OSTM1: variants seen among roughly 807,000 people sequenced by gnomAD.
OSTM1 encodes osteoclastogenesis associated transmembrane protein 1.
Under a neutral mutation model 35.4 loss-of-function variants are expected in OSTM1, and 26 were observed. The observed-to-expected ratio is 0.73, with a 90% confidence interval of 0.54 to 1.02. The LOEUF is 1.02. OSTM1 is among the 50% of genes least tolerant of loss of function. The pLI, the probability that OSTM1 is intolerant of heterozygous loss-of-function variation, is 0.00. For missense variants in OSTM1, 366 were observed against 409.6 expected (o/e 0.89, Z 0.92); for synonymous variants, 181 against 165.0 (o/e 1.10, Z -0.75).
chr6:108,061,057 A>G lies in OSTM1; in HGVS notation c.517+3128T>C, dbSNP rs996560724. Reference sequence around the variant, plus strand: ...GGATTTTTCTAAAAAGCTTAAGAATACTTAAAAACAGGTCTACATATGTTA... The same window carrying G: ...GGATTTTTCTAAAAAGCTTAAGAATGCTTAAAAACAGGTCTACATATGTTA... On this transcript the variant is annotated intron_variant, in intron 2 of 5. Coordinates refer to ENST00000193322, the MANE Select transcript of OSTM1 (RefSeq NM_014028.4). 33 of 152,194 alleles carry G rather than the reference A, an allele frequency of 2.2e-4. 1 individual carries two copies. The highest frequency in any genetic ancestry group is 8.0e-4 in the African/African-American group (33 of 41,458). The allele number at this position is 152,194 out of a possible 1,614,324, so 9.4% of individuals were successfully genotyped here.
At chr6:108,054,417 TA>T in intron 3 of OSTM1, 72 bp downstream of exon 3, 1 of 689,730 alleles carries the variant, frequency 1.4e-6, no homozygotes, top group Non-Finnish European at 2.5e-6. Flanking sequence ...ATTAGTGCTC[TA>T]AAAACTTGGA....
At chr6:108,046,064 C>T (rs1453929758) in intron 5 of OSTM1, among the ~76,000 whole-genome samples, 3 of 151,516 alleles carry the variant, frequency 2.0e-5, no homozygotes, top group South Asian at 2.1e-4. Flanking sequence ...TGCAATGGCT[C>T]GAACTTGGCT....
In OSTM1 at chr6:108,041,841, C is replaced by CT. The variant is rs1275040254; in HGVS notation, c.*2943dup. 1 of 152,154 alleles carries CT rather than the reference C, an allele frequency of 6.6e-6. No individual in the cohort carries two copies. Among genetic ancestry groups the CT allele is most frequent in the Non-Finnish European group, 1.5e-5 (1 of 68,022 alleles). 9.4% of individuals were successfully genotyped at this position (152,154 alleles called of 1,614,324 possible). A position where few individuals can be genotyped will look rare whatever the true frequency, so the allele number is the denominator to read the frequency against. Reference sequence around the variant, plus strand: ...TAGGGATCCATCCAGCTCTGGGAATCTATCATCAGATGGCCTCTAAGGTTT... The same window carrying CT: ...TAGGGATCCATCCAGCTCTGGGAATCTTATCATCAGATGGCCTCTAAGGTTT... On this transcript the variant is annotated 3_prime_UTR_variant, in exon 6 of 6. Coordinates refer to ENST00000193322, the MANE Select transcript of OSTM1 (RefSeq NM_014028.4).
intron 1 of OSTM1, 91 bp downstream of exon 1, chr6:108,074,155 TGGGG>T: frequency 8.0e-7 from 1 of 1,245,090 alleles, no homozygotes; most frequent in Admixed American, 2.0e-5. Flanking sequence ...TTCTTACTGT[TGGGG>T]AAACTGAGGC....
At chr6:108,051,947 T>C (rs1221047534) in intron 3 of OSTM1, among the ~76,000 whole-genome samples, 1 of 152,212 alleles carries the variant, frequency 6.6e-6, no homozygotes, top group East Asian at 1.9e-4. Context: ...CTTTACTTTG[T>C]AGTATGAAGA....
At chr6:108,069,317 T>G (rs547388949) in intron 1 of OSTM1, among the ~76,000 whole-genome samples, 1 of 152,340 alleles carries the variant, frequency 6.6e-6, no homozygotes, top group Non-Finnish European at 1.5e-5. Flanking sequence ...ATATTACATT[T>G]TCTGATCTCT....
chr6:108,074,504 G>A lies in OSTM1; in HGVS notation c.148C>T (p.Gln50Ter). The A allele has an allele frequency of 1.3e-6, 2 of 1,558,572 alleles. No individual in the cohort carries two copies. Among genetic ancestry groups the A allele is most frequent in the Non-Finnish European group, 1.7e-6 (2 of 1,152,146 alleles). Residue 50 changes from glutamine (Q) to a stop codon, truncating the protein, a stop_gained, in exon 1 of 6, where the codon CAG (glutamine) becomes TAG (stop). Transcript: ENST00000193322. LOFTEE classifies it high-confidence loss of function. ...HRVFHDLLSE[Q>*]QLLEVEDLSL... ...AAGTCCTCCACCTCCAGCAACTGCT[G>A]CTCCGACAGGAGGTCGTGGAAGACC...
At chr6:108,073,653 A>C (rs1772526916) in intron 1 of OSTM1, 1 of 153,300 alleles carries the variant, frequency 6.5e-6, no homozygotes, top group African/African-American at 2.4e-5. Flanking sequence ...GCTAATAAGC[A>C]GAGTGGAACT....
chr6:108,053,399 C>G (rs1054676601), intron 3 of OSTM1, among the ~76,000 whole-genome samples: 1 of 152,044 alleles, frequency 6.6e-6, no homozygotes, highest in Non-Finnish European at 1.5e-5. Context: ...ACTAAAGGCT[C>G]TGAAGTCCTG....
intron 1 of OSTM1, among the ~76,000 whole-genome samples, chr6:108,065,936 A>G (rs9486792): frequency 5.3e-5 from 8 of 152,012 alleles, no homozygotes; most frequent in African/African-American, 1.9e-4. Flanking sequence ...GAAATTAGGA[A>G]AGAGTTCATG....
At chr6:108,045,015 C>T (rs985215181) in intron 5 of OSTM1, among the ~76,000 whole-genome samples, 175 bp from the exon 6 acceptor site, 2 of 152,068 alleles carry the variant, frequency 1.3e-5, no homozygotes, top group African/African-American at 4.8e-5. Flanking sequence ...ACCTTAAAAA[C>T]ACATAACTTT....
chr6:108,073,801 G>A (rs1772529899), intron 1 of OSTM1: 1 of 180,024 alleles, frequency 5.6e-6, no homozygotes, highest in Non-Finnish European at 1.2e-5. Flanking sequence ...CTAAGGTTCT[G>A]AGAAGATAAT....
Position 108,071,440 on chromosome 6 carries a change from C to G in OSTM1, c.402+2810G>C, listed in dbSNP as rs368486585. 5.4e-5 allele frequency among the ~76,000 whole-genome samples: 8 copies of G among 149,434 alleles called. No individual in the cohort carries two copies. In the South Asian group the frequency reaches 6.4e-4, roughly 12 times the overall value. ...CCTGCCTCAGCCTCCTGAGTAGCTGCGCACCACCACACCCGGCTAATTTTT... is the reference window on the plus strand; with the variant it reads ...CCTGCCTCAGCCTCCTGAGTAGCTGGGCACCACCACACCCGGCTAATTTTT... On this transcript the variant is annotated intron_variant, in intron 1 of 5. Transcript: ENST00000193322.
At chr6:108,057,855 G>A (rs190750942) in intron 2 of OSTM1, among the ~76,000 whole-genome samples, 21 of 152,122 alleles carry the variant, frequency 1.4e-4, no homozygotes, top group South Asian at 4.1e-4. Flanking sequence ...ATTATAAACA[G>A]TGAGAAGCTG....
intron 1 of OSTM1, among the ~76,000 whole-genome samples, chr6:108,072,309 C>T (rs9400197): frequency 0.041 from 6,178 of 152,126 alleles, 429 homozygotes; most frequent in Admixed American, 0.19. Context: ...CTGGAAAATA[C>T]CGCATGTAAG....
intron 2 of OSTM1, among the ~76,000 whole-genome samples, chr6:108,054,811 A>G (rs1339753754): frequency 6.6e-6 from 1 of 152,214 alleles, no homozygotes; most frequent in Non-Finnish European, 1.5e-5. Flanking sequence ...CTCTCTTTTC[A>G]TAAAAATATA....
chr6:108,043,968 A>C lies in OSTM1; in HGVS notation c.*817T>G, dbSNP rs1189440331. 1.3e-5 allele frequency: 2 copies of C among 152,628 alleles called. No homozygotes were observed. The highest frequency in any genetic ancestry group is 4.8e-5 in the African/African-American group (2 of 41,464). 9.5% of individuals were successfully genotyped at this position (152,628 alleles called of 1,614,324 possible). The stretch of plus-strand genomic sequence containing the variant: ...AAAATGACAATTTAAATACAGTGTG[A>C]TAATGCTACATTTGATTTAAAGTAG... On this transcript the variant is annotated 3_prime_UTR_variant, in exon 6 of 6. Coordinates refer to ENST00000193322, the MANE Select transcript of OSTM1 (RefSeq NM_014028.4).
At chr6:108,068,489 T>G (rs1772420614) in intron 1 of OSTM1, among the ~76,000 whole-genome samples, 1 of 152,156 alleles carries the variant, frequency 6.6e-6, no homozygotes, top group South Asian at 2.1e-4. Context: ...ACAACCCTAT[T>G]CATTAAGCTG....
At chr6:108,056,041 A>G (rs919728730) in intron 2 of OSTM1, among the ~76,000 whole-genome samples, 6 of 152,236 alleles carry the variant, frequency 3.9e-5, no homozygotes, top group Non-Finnish European at 2.9e-5. Context: ...ATTTGTGGAG[A>G]AAAGAGAGAC....
Sources: allele counts gnomAD v4.1 joint callset (sites outside exome capture counted in the v4.1 genomes callset), GRCh38; gene constraint gnomAD v4.1.1; transcripts MANE v1.5; gene names NCBI Gene and HGNC (gene_info 2026-07-23, HGNC 2026-07-21).